ARMC2: variants seen among roughly 807,000 people sequenced by gnomAD.
ARMC2 encodes the protein armadillo repeat-containing protein 2.
A neutral mutation model predicts 90.3 loss-of-function variants in ARMC2; 67 were observed. That is an observed-to-expected ratio of 0.74 (90% CI 0.61 to 0.91). The LOEUF (loss-of-function observed/expected upper bound fraction) is 0.91, where lower values mean the gene tolerates loss of function less well. Ranked by LOEUF, ARMC2 falls within the 40% of genes least tolerant of loss-of-function variation. The pLI is 0.00. For missense variants in ARMC2, 920 were observed against 1,030.9 expected, an observed-to-expected ratio of 0.89 and a Z score of 1.47; for synonymous variants, 393 against 393.0, an observed-to-expected ratio of 1.00 and a Z score of 0.00.
the ARMC2 span, among the ~76,000 whole-genome samples, chr6:109,013,832 GACT>G: frequency 2.0e-5 from 3 of 152,142 alleles, no homozygotes; most frequent in African/African-American, 4.8e-5. Flanking sequence ...TGGTTTATAA[GACT>G]ACTTCTGCTT....
chr6:109,046,678 G>A, the ARMC2 span, among the ~76,000 whole-genome samples: 1 of 136,376 alleles, frequency 7.3e-6, no homozygotes, highest in Non-Finnish European at 1.6e-5. Context: ...AGGAAGTGAG[G>A]AGCGTCTCTG....
At chr6:109,009,464 G>A in the ARMC2 span, 7 of 1,290,460 alleles carry the variant, frequency 5.4e-6, no homozygotes, top group East Asian at 1.3e-4. Flanking sequence ...AGCGCATGTC[G>A]GCGCGGGGAC....
chr6:109,042,351 G>A, the ARMC2 span, among the ~76,000 whole-genome samples: 1 of 150,778 alleles, frequency 6.6e-6, no homozygotes, highest in African/African-American at 2.4e-5. Context: ...AAATAATAAA[G>A]AACAAACATC....
downstream of ARMC2, among the ~76,000 whole-genome samples, chr6:108,975,664 C>G (rs188149408): frequency 1.4e-4 from 21 of 152,326 alleles, no homozygotes; most frequent in African/African-American, 5.1e-4. Flanking sequence ...TCTCCAGTAT[C>G]TGTTGTTTCC....
intron 17 of ARMC2, among the ~76,000 whole-genome samples, chr6:108,971,021 G>A (rs139172873): frequency 0.031 from 4,714 of 151,940 alleles, 380 homozygotes; most frequent in Admixed American, 0.19. Flanking sequence ...TCAGGAGTTC[G>A]AGACCAGCCT....
At chr6:108,950,210 ACAAAAACAAAAAAAAC>A (rs1777081392) in intron 12 of ARMC2, among the ~76,000 whole-genome samples, 1 of 152,158 alleles carries the variant, frequency 6.6e-6, no homozygotes, top group Non-Finnish European at 1.5e-5. Flanking sequence ...TGTCTCAAAA[ACAAAAACAAAAAAAAC>A]AAACAAACTT....
chr6:108,904,522 G>A, intron 8 of ARMC2, 117 bp downstream of exon 8: 3 of 1,040,210 alleles, frequency 2.9e-6, no homozygotes, highest in South Asian at 2.3e-5. Flanking sequence ...TTAGAATCTT[G>A]GAAAAAAATT....
chr6:108,991,228 A>AGTGT, the ARMC2 span, among the ~76,000 whole-genome samples: 287 of 148,150 alleles, frequency 1.9e-3, no homozygotes, highest in East Asian at 7.0e-3. Context: ...TCAAATTATG[A>AGTGT]GTGTGTGTGT....
chr6:108,876,448 T>C, intron 5 of ARMC2, 98 bp downstream of exon 5: 2 of 1,240,366 alleles, frequency 1.6e-6, no homozygotes, highest in Non-Finnish European at 2.3e-6. Flanking sequence ...CTTTTTCTCT[T>C]TTATGTAAGC....
chr6:108,952,231 TA>T (rs1236288027), intron 12 of ARMC2, among the ~76,000 whole-genome samples: 1 of 152,234 alleles, frequency 6.6e-6, no homozygotes, highest in East Asian at 1.9e-4. Context: ...GTTGTCAAAC[TA>T]AAAACACAGT....
At chr6:108,989,452 T>A in the ARMC2 span, among the ~76,000 whole-genome samples, 1 of 149,008 alleles carries the variant, frequency 6.7e-6, no homozygotes, top group East Asian at 1.9e-4. Context: ...GATACATCTC[T>A]ATATCTAGAG....
the ARMC2 span, among the ~76,000 whole-genome samples, chr6:108,982,147 T>G: frequency 6.6e-6 from 1 of 152,228 alleles, no homozygotes; most frequent in East Asian, 1.9e-4. Flanking sequence ...AGTTCTTTTG[T>G]GTATATACTC....
In ARMC2 at chr6:108,877,964, A is replaced by T. The variant is rs370974919; in HGVS notation, c.671+1614A>T. 3.3e-5 allele frequency among the ~76,000 whole-genome samples: 5 copies of T among 152,270 alleles called. No homozygotes were observed. In the East Asian group the frequency reaches 7.7e-4, roughly 24 times the overall value. ...AGGACGGCTTTTGCATCATATAAGGATTGTGTCTAAGTTGGGTTTGCAATG... is the reference window on the plus strand; with the variant it reads ...AGGACGGCTTTTGCATCATATAAGGTTTGTGTCTAAGTTGGGTTTGCAATG... On this transcript the variant is annotated intron_variant, in intron 5 of 17. Transcript: ENST00000392644.
At chr6:108,851,328 C>T (rs1376825154) in intron 1 of ARMC2, among the ~76,000 whole-genome samples, 1 of 152,208 alleles carries the variant, frequency 6.6e-6, no homozygotes, top group Non-Finnish European at 1.5e-5. Flanking sequence ...GGAAGTCTAC[C>T]TGATGTCTTC....
At chr6:108,901,098 A>ATT (rs1173637475) in intron 7 of ARMC2, among the ~76,000 whole-genome samples, 4,202 of 59,384 alleles carry the variant, frequency 0.071, 1,183 homozygotes, top group Non-Finnish European at 0.097. Context: ...GAAAGAAGGA[A>ATT]TTTTTTTTTT....
chr6:108,930,758 G>C (rs1322480665), intron 11 of ARMC2, among the ~76,000 whole-genome samples: 2 of 151,796 alleles, frequency 1.3e-5, no homozygotes, highest in Admixed American at 1.3e-4. Flanking sequence ...ACCACGCCCA[G>C]CTAATTTTTT....
intron 8 of ARMC2, among the ~76,000 whole-genome samples, chr6:108,907,272 A>C (rs910053663): frequency 6.6e-6 from 1 of 152,064 alleles, no homozygotes; most frequent in Non-Finnish European, 1.5e-5. Context: ...CATTTTTTTC[A>C]TGAAGTTTTA....
At chr6:109,046,732 G>A in the ARMC2 span, among the ~76,000 whole-genome samples, 11 of 136,718 alleles carry the variant, frequency 8.0e-5, no homozygotes, top group African/African-American at 3.0e-4. Context: ...CCTCTGCCCC[G>A]CCGCCCCATC....
the ARMC2 span, chr6:108,993,105 C>CAA: frequency 2.0e-6 from 1 of 495,958 alleles, no homozygotes; most frequent in Non-Finnish European, 3.5e-6. Context: ...AATGAAAACT[C>CAA]ATAGTTGAAT....
Sources: allele counts gnomAD v4.1 joint callset (sites outside exome capture counted in the v4.1 genomes callset), GRCh38; gene constraint gnomAD v4.1.1; transcripts MANE v1.5; gene names NCBI Gene and HGNC (gene_info 2026-07-23, HGNC 2026-07-21).